CCDC171: variants seen among roughly 807,000 people sequenced by gnomAD.
CCDC171 encodes the protein coiled-coil domain-containing protein 171.
A neutral mutation model predicts 168.2 loss-of-function variants in CCDC171; 177 were observed. The ratio of observed to expected loss-of-function variants is 1.05; its 90% CI spans 0.93 to 1.19. The LOEUF is 1.19. CCDC171 is among the 50% of genes most tolerant of loss of function. The pLI is 0.00. For missense variants in CCDC171, 1,991 were observed against 1,539.0 expected (o/e 1.29, Z -4.91); for synonymous variants, 687 against 540.8 (o/e 1.27, Z -3.75).
intron 21 of CCDC171, among the ~76,000 whole-genome samples, chr9:15,803,421 C>G (rs1261934608): frequency 6.6e-6 from 1 of 151,520 alleles, no homozygotes; most frequent in Non-Finnish European, 1.5e-5. Context: ...TTTAATCCAT[C>G]TTGAGTTGAT....
intron 3 of CCDC171, among the ~76,000 whole-genome samples, chr9:15,989,181 T>C (rs1832099876): frequency 6.6e-6 from 1 of 152,054 alleles, no homozygotes; most frequent in South Asian, 2.1e-4. Context: ...CATCCCCCAG[T>C]AGGGGCAGAC....
At chr9:15,867,845 G>T (rs140389868) in intron 23 of CCDC171, among the ~76,000 whole-genome samples, 1 of 152,018 alleles carries the variant, frequency 6.6e-6, no homozygotes, top group Non-Finnish European at 1.5e-5. Flanking sequence ...CTATTCTCAA[G>T]TATGGTTTTT....
chr9:15,823,921 T>G (rs1349858520), intron 21 of CCDC171, among the ~76,000 whole-genome samples: 4 of 152,150 alleles, frequency 2.6e-5, no homozygotes. Context: ...AGTTTTAGAA[T>G]AGACATTGGT....
chr9:15,998,074 C>A (rs1253083120), intron 3 of CCDC171, among the ~76,000 whole-genome samples: 1 of 152,104 alleles, frequency 6.6e-6, no homozygotes, highest in Non-Finnish European at 1.5e-5. Context: ...AGACCAATAC[C>A]TCCAAGACTT....
At chr9:15,979,162 G>C in intron 3 of CCDC171, among the ~76,000 whole-genome samples, 1 of 152,022 alleles carries the variant, frequency 6.6e-6, no homozygotes, top group East Asian at 1.9e-4. Flanking sequence ...TTTATTTCCA[G>C]CTTTTTAATT....
At chr9:15,632,970 T>C (rs2045864106) in intron 7 of CCDC171, among the ~76,000 whole-genome samples, 1 of 152,212 alleles carries the variant, frequency 6.6e-6, no homozygotes, top group Admixed American at 6.5e-5. Context: ...GCTAGCCATA[T>C]GTAGAAAGCT....
chr9:16,045,707 G>T (rs1261941606), intron 1 of CCDC171, among the ~76,000 whole-genome samples: 2 of 152,172 alleles, frequency 1.3e-5, no homozygotes. Context: ...GGAGTGAATA[G>T]AACTGCCTGT....
At chr9:16,023,647 A>G (rs576745997) in intron 6 of CCDC171, among the ~76,000 whole-genome samples, 33 of 152,196 alleles carry the variant, frequency 2.2e-4, no homozygotes, top group Non-Finnish European at 4.4e-4. Context: ...TTCCAGAATA[A>G]ACAAAGATGT....
At chr9:15,801,839 G>A (rs992687655) in intron 21 of CCDC171, among the ~76,000 whole-genome samples, 1 of 151,956 alleles carries the variant, frequency 6.6e-6, no homozygotes, top group South Asian at 2.1e-4. Context: ...AAGGGATGTT[G>A]AATTTTATCA....
chr9:15,946,423 G>C (rs958397144), intron 25 of CCDC171, among the ~76,000 whole-genome samples: 2 of 151,978 alleles, frequency 1.3e-5, no homozygotes, highest in Non-Finnish European at 2.9e-5. Context: ...ATTCACAATT[G>C]CTTCAAAGAG....
intron 3 of CCDC171, among the ~76,000 whole-genome samples, chr9:15,990,186 G>A (rs1431307511): frequency 6.6e-6 from 1 of 152,072 alleles, no homozygotes; most frequent in South Asian, 2.1e-4. Context: ...GAGAAAGGTC[G>A]GGTTACCCAC....
At position 15,579,028 on chromosome 9, in the gene CCDC171, G is replaced by C. The variant is rs1424440144; in HGVS notation, c.352+5G>C. 1.9e-6 allele frequency: 3 copies of C among 1,611,684 alleles called. No individual in the cohort carries two copies. The highest frequency in any genetic ancestry group is 2.5e-6 in the Non-Finnish European group (3 of 1,178,754). The stretch of plus-strand genomic sequence containing the variant: ...GGATCCAAGAAAAACTCTGTGGTAA[G>C]ACTGTTTCTATTTCTTCCCAAGTTT... On this transcript the variant is annotated splice_donor_5th_base_variant and intron_variant, in intron 4 of 25. Transcript: ENST00000380701.
intron 7 of CCDC171, among the ~76,000 whole-genome samples, chr9:15,632,478 C>G (rs1307267331): frequency 6.6e-6 from 1 of 151,680 alleles, no homozygotes; most frequent in Non-Finnish European, 1.5e-5. Context: ...TGTGAAGGAC[C>G]TCTTCAAGGA....
intron 25 of CCDC171, among the ~76,000 whole-genome samples, chr9:15,944,823 C>CTT (rs752325078): frequency 1.8e-4 from 6 of 33,788 alleles, no homozygotes; most frequent in East Asian, 2.3e-3. Context: ...GGTTAGAATT[C>CTT]TTTTTCTTTC....
At chr9:15,945,051 C>T (rs1471563200) in intron 25 of CCDC171, among the ~76,000 whole-genome samples, 1 of 151,462 alleles carries the variant, frequency 6.6e-6, no homozygotes, top group African/African-American at 2.4e-5. Flanking sequence ...CACAACAGTC[C>T]CCAGAGTGTG....
chr9:15,785,901 G>A (rs1003863415), intron 21 of CCDC171, among the ~76,000 whole-genome samples: 1 of 149,076 alleles, frequency 6.7e-6, no homozygotes, highest in African/African-American at 2.5e-5. Flanking sequence ...TTTTTTTTTT[G>A]TTTAAATTTA....
chr9:16,088,980 C>G, the CCDC171 span, among the ~76,000 whole-genome samples: 1 of 152,092 alleles, frequency 6.6e-6, no homozygotes, highest in Non-Finnish European at 1.5e-5. Context: ...GCTACAGTAA[C>G]CAAAACAGCA....
chr9:15,700,834 T>C (rs1216058183), intron 11 of CCDC171, among the ~76,000 whole-genome samples: 1 of 152,060 alleles, frequency 6.6e-6, no homozygotes, highest in Admixed American at 6.5e-5. Context: ...ATAATAGCTG[T>C]ACTAATTTAC....
rs536470900 is a variant in CCDC171 at position 15,887,296 on chromosome 9, T to C, written c.3600+12633T>C. ...AGTTTGCATAGTACTGTATATTAAG[T>C]AACCAGTGAAATGTAGAGTAATTTT... On this transcript the variant is annotated intron_variant, in intron 24 of 25. Transcript: ENST00000380701. Among the ~76,000 whole-genome samples, 12 of 152,300 alleles carry C rather than the reference T, an allele frequency of 7.9e-5. No homozygotes were observed. In the South Asian group the frequency reaches 2.3e-3, roughly 29 times the overall value.
Sources: allele counts gnomAD v4.1 joint callset (sites outside exome capture counted in the v4.1 genomes callset), GRCh38; gene constraint gnomAD v4.1.1; transcripts MANE v1.5; gene names NCBI Gene and HGNC (gene_info 2026-07-23, HGNC 2026-07-21).